Variants in ADGRV1 observed in about 807,000 individuals in gnomAD.
ADGRV1 encodes G-protein coupled receptor 98.
ADGRV1 carries 359 observed loss-of-function variants against 596.2 expected under a neutral mutation model. The ratio of observed to expected loss-of-function variants is 0.60; its 90% CI spans 0.55 to 0.66. The LOEUF (loss-of-function observed/expected upper bound fraction) is 0.66. ADGRV1 is among the 30% of genes least tolerant of loss of function. The pLI is 0.00. For missense variants in ADGRV1, 7,274 were observed against 7,575.6 expected, an observed-to-expected ratio of 0.96 and a Z score of 1.48; for synonymous variants, 2,681 against 2,679.2, an observed-to-expected ratio of 1.00 and a Z score of -0.02.
intron 89 of ADGRV1, 66 bp from the exon 90 acceptor site, chr5:91,163,716 A>G: frequency 1.5e-6 from 1 of 654,452 alleles, no homozygotes; most frequent in Non-Finnish European, 2.7e-6. Flanking sequence ...CCTAATGTAA[A>G]TTGATTCTTA....
chr5:90,648,229 A>G (rs544771349), intron 17 of ADGRV1, among the ~76,000 whole-genome samples: 4 of 152,200 alleles, frequency 2.6e-5, no homozygotes, highest in Non-Finnish European at 5.9e-5. Flanking sequence ...GCCAAAATGA[A>G]TGACAATCTG....
At chr5:90,582,639 A>G (rs1328939121) in intron 1 of ADGRV1, among the ~76,000 whole-genome samples, 1 of 152,166 alleles carries the variant, frequency 6.6e-6, no homozygotes, top group Non-Finnish European at 1.5e-5. Flanking sequence ...ATCATTGCTC[A>G]CTGCAGCCTT....
At chr5:90,826,577 C>T (rs949921317) in intron 76 of ADGRV1, among the ~76,000 whole-genome samples, 1 of 152,002 alleles carries the variant, frequency 6.6e-6, no homozygotes, top group Admixed American at 6.6e-5. Flanking sequence ...GTTCTTAGCA[C>T]AGCTCTCGGC....
chr5:90,808,669 C>T (rs1269960847), intron 73 of ADGRV1, among the ~76,000 whole-genome samples: 2 of 152,160 alleles, frequency 1.3e-5, no homozygotes, highest in Non-Finnish European at 2.9e-5. Context: ...CCACAGCAGG[C>T]AGATCACCTG....
At chr5:90,839,846 T>A (rs554304329) in intron 77 of ADGRV1, among the ~76,000 whole-genome samples, 4 of 152,356 alleles carry the variant, frequency 2.6e-5, no homozygotes, top group Admixed American at 2.6e-4. Context: ...ACCTGTATCC[T>A]CTGCTAGAAT....
chr5:90,769,783 G>A (rs1757502216), intron 59 of ADGRV1, among the ~76,000 whole-genome samples: 1 of 152,130 alleles, frequency 6.6e-6, no homozygotes, highest in Non-Finnish European at 1.5e-5. Context: ...TTTTGTAAGG[G>A]CTTCTAGGAA....
chr5:90,916,537 T>C lies in ADGRV1; in HGVS notation c.17857-48878T>C, dbSNP rs938183553. Among the ~76,000 whole-genome samples, 10 of 152,212 alleles carry C rather than the reference T, an allele frequency of 6.6e-5. No homozygotes were observed. In the South Asian group the frequency reaches 8.3e-4, roughly 13 times the overall value. On this transcript the variant is annotated intron_variant, in intron 83 of 89. Transcript: ENST00000405460. ...AGAAGCAATGTTTTATATAGTTTCA[T>C]CCACAGTGTACATATTATTCGATAT... is the stretch of plus-strand genomic sequence containing the variant.
chr5:91,108,909 A>G (rs1249338164), intron 87 of ADGRV1, among the ~76,000 whole-genome samples: 3 of 152,022 alleles, frequency 2.0e-5, no homozygotes, highest in Non-Finnish European at 2.9e-5. Context: ...ATTTTTTGAT[A>G]TTTAGTGTCT....
intron 42 of ADGRV1, among the ~76,000 whole-genome samples, chr5:90,713,299 A>T (rs1749634664): frequency 2.7e-5 from 4 of 150,286 alleles, no homozygotes; most frequent in African/African-American, 7.4e-5. Context: ...TTTTCTTGCT[A>T]TTTTGATAAA....
chr5:90,936,434 T>C (rs1775695826), intron 83 of ADGRV1, among the ~76,000 whole-genome samples: 1 of 152,130 alleles, frequency 6.6e-6, no homozygotes, highest in Admixed American at 6.5e-5. Flanking sequence ...ATAAAAATCT[T>C]CCACTTTTTA....
At chr5:90,654,064 C>A in intron 20 of ADGRV1, 112 bp downstream of exon 20, 1 of 1,077,286 alleles carries the variant, frequency 9.3e-7, no homozygotes, top group Non-Finnish European at 1.4e-6. Context: ...TCTACTTATG[C>A]ATTGGTTTAA....
chr5:90,889,060 T>C (rs2150573777), intron 83 of ADGRV1, among the ~76,000 whole-genome samples: 1 of 152,232 alleles, frequency 6.6e-6, no homozygotes, highest in South Asian at 2.1e-4. Context: ...CATAGCAAGG[T>C]CTACACTGGA....
In ADGRV1 at chr5:90,674,146, G is replaced by T. The variant is rs1172836837; in HGVS notation, c.5022G>T (p.Lys1674Asn). The change falls in exon 23 of 90, where the codon AAG becomes AAT. Residue 1674 changes from lysine to asparagine, a missense_variant. Physicochemically the swap from Lys to Asn is moderately conservative, Grantham distance 94. This residue lies in a region of ADGRV1 where 3,643 missense variants were observed against 3,809.2 expected (regional missense o/e 0.96). Coordinates refer to ENST00000405460, the MANE Select transcript of ADGRV1 (RefSeq NM_032119.4). Reference protein sequence around the residue: ...TLVSAIPGDGKLGSTPTSGAS... With the variant: ...TLVSAIPGDGNLGSTPTSGAS... ...TTTCTGCAATTCCTGGAGATGGGAAGCTAGGCTCAACTCCTACCAGTGGTG... is the reference window on the plus strand; with the variant it reads ...TTTCTGCAATTCCTGGAGATGGGAATCTAGGCTCAACTCCTACCAGTGGTG... 2.5e-6 allele frequency: 4 copies of T among 1,613,320 alleles called. No homozygotes were observed. Among genetic ancestry groups the T allele is most frequent in the Non-Finnish European group, 3.4e-6 (4 of 1,179,460 alleles).
intron 83 of ADGRV1, among the ~76,000 whole-genome samples, chr5:90,871,644 C>A (rs1313844092): frequency 6.6e-6 from 1 of 152,184 alleles, no homozygotes; most frequent in African/African-American, 2.4e-5. Context: ...AGTTTGGAAC[C>A]TTTTATTACA....
chr5:90,910,557 A>G (rs1772782322), intron 83 of ADGRV1, among the ~76,000 whole-genome samples: 2 of 28,332 alleles, frequency 7.1e-5, no homozygotes, highest in South Asian at 8.1e-4. Context: ...TATATTATCT[A>G]TCTATCTATC....
At chr5:90,782,725 T>C (rs1758984142) in intron 65 of ADGRV1, among the ~76,000 whole-genome samples, 1 of 152,142 alleles carries the variant, frequency 6.6e-6, no homozygotes, top group African/African-American at 2.4e-5. Flanking sequence ...TATTACCATA[T>C]TTATATTTCA....
intron 9 of ADGRV1, among the ~76,000 whole-genome samples, chr5:90,631,446 C>T (rs561689643): frequency 3.9e-5 from 6 of 152,024 alleles, no homozygotes; most frequent in Non-Finnish European, 7.4e-5. Context: ...TCAGTATGTA[C>T]GCGACACCTT....
chr5:90,871,603 G>A (rs900048691), intron 83 of ADGRV1, among the ~76,000 whole-genome samples: 21 of 152,184 alleles, frequency 1.4e-4, no homozygotes, highest in Admixed American at 1.4e-3. Context: ...GAAAATTTGT[G>A]AGGCAAATCC....
rs376126357 is a variant in ADGRV1, at chr5:90,675,288, C to A, written c.5156C>A (p.Ala1719Glu). The A allele has an allele frequency of 1.2e-6, 2 of 1,613,776 alleles. No individual in the cohort carries two copies. The highest frequency in any genetic ancestry group is 2.2e-5 in the South Asian group (2 of 91,030). Residue 1719 changes from alanine to glutamate, a missense_variant, in exon 24 of 90, where the codon GCA becomes GAA. Ala to Glu is a moderately radical substitution (Grantham distance 107). Coordinates refer to ENST00000405460, the MANE Select transcript of ADGRV1 (RefSeq NM_032119.4). ...STGLPPQPKDAMTLPASSVPH... is the reference protein window; with the variant it reads ...STGLPPQPKDEMTLPASSVPH... The stretch of plus-strand genomic sequence containing the variant: ...GGGCTGCCTCCTCAGCCTAAGGACG[C>A]AATGACCCTGCCTGCAAGCAGCGTT...
Sources: allele counts gnomAD v4.1 joint callset (sites outside exome capture counted in the v4.1 genomes callset), GRCh38; gene constraint gnomAD v4.1.1; regional missense constraint gnomAD v4.1.1; transcripts MANE v1.5; gene names NCBI Gene and HGNC (gene_info 2026-07-23, HGNC 2026-07-21).